CAMK2D: variants seen among roughly 807,000 people sequenced by gnomAD.
The protein encoded by CAMK2D is calcium/calmodulin-dependent protein kinase type II subunit delta.
In CAMK2D, 37 loss-of-function variants were observed where a neutral mutation model predicts 84.0. That is an observed-to-expected ratio of 0.44 (90% CI 0.34 to 0.58). The LOEUF is 0.58. Ranked by LOEUF, CAMK2D falls within the 20% of genes least tolerant of loss-of-function variation. CAMK2D has a pLI of 0.02. For synonymous variants in CAMK2D, 202 were observed against 212.5 expected (o/e 0.95, Z 0.43); for missense variants, 448 against 652.5 (o/e 0.69, Z 3.41).
At chr4:113,591,523 C>T (rs2098883021) in intron 4 of CAMK2D, among the ~76,000 whole-genome samples, 1 of 152,214 alleles carries the variant, frequency 6.6e-6, no homozygotes, top group Non-Finnish European at 1.5e-5. Context: ...TGTTCTCCAA[C>T]TTGTAGCTAG....
rs113639847 is a variant in CAMK2D at position 113,727,583 on chromosome 4, G to A, written c.160+31737C>T. 5.1e-3 allele frequency among the ~76,000 whole-genome samples: 771 copies of A among 152,178 alleles called. 3 individuals carry two copies. Among genetic ancestry groups the A allele is most frequent in the African/African-American group, 0.018 (735 of 41,540 alleles). ...GTAAATCTTCTAGAAGAAAACACAA[G>A]AGGAAATTCTTTGTAACTATGAAGC... On this transcript the variant is annotated intron_variant, in intron 2 of 20. Coordinates refer to ENST00000511664, the MANE Select transcript of CAMK2D (RefSeq NM_001321571.2).
At chr4:113,646,801 T>A (rs1282046703) in intron 3 of CAMK2D, among the ~76,000 whole-genome samples, 1 of 152,200 alleles carries the variant, frequency 6.6e-6, no homozygotes, top group Non-Finnish European at 1.5e-5. Context: ...AGCCACTGAT[T>A]AGTTTCCGAG....
At chr4:113,576,772 C>T (rs2098784990) in intron 4 of CAMK2D, among the ~76,000 whole-genome samples, 1 of 151,968 alleles carries the variant, frequency 6.6e-6, no homozygotes, top group Non-Finnish European at 1.5e-5. Context: ...AATTTGTTAA[C>T]TACATGTTTT....
At chr4:113,690,439 G>A (rs570891287) in intron 2 of CAMK2D, among the ~76,000 whole-genome samples, 3 of 152,174 alleles carry the variant, frequency 2.0e-5, no homozygotes, top group South Asian at 4.2e-4. Flanking sequence ...CCCAGTTGTG[G>A]GCACAAAGGT....
At position 113,531,204 on chromosome 4, in the gene CAMK2D, A is replaced by G. The variant is rs1362789903; in HGVS notation, c.601+12T>C. 2.7e-5 allele frequency: 39 copies of G among 1,459,584 alleles called. No homozygotes were observed. The highest frequency in any genetic ancestry group is 3.8e-5 in the Non-Finnish European group (39 of 1,039,200). The allele number at this position is 1,459,584 out of a possible 1,614,324, so 90.4% of individuals were successfully genotyped here. ...CTTATCACAAAATTTGCTTCAAAAT[A>G]TAATTGCTTACCACATGCCCACATA... On this transcript the variant is annotated intron_variant, in intron 8 of 20. Coordinates refer to ENST00000511664, the MANE Select transcript of CAMK2D (RefSeq NM_001321571.2).
intron 5 of CAMK2D, among the ~76,000 whole-genome samples, chr4:113,549,956 C>CT (rs2098612035): frequency 6.6e-6 from 1 of 152,050 alleles, no homozygotes; most frequent in Admixed American, 6.6e-5. Flanking sequence ...CCATAGGAAT[C>CT]TTTTTTCTTT....
intron 3 of CAMK2D, among the ~76,000 whole-genome samples, chr4:113,627,483 G>A (rs1177922152): frequency 6.6e-6 from 1 of 152,124 alleles, no homozygotes; most frequent in Non-Finnish European, 1.5e-5. Context: ...CTAGTTTTAT[G>A]TGTGTTTCTG....
intron 2 of CAMK2D, chr4:113,677,635 T>A (rs773293641): frequency 8.2e-5 from 43 of 526,776 alleles, no homozygotes; most frequent in Non-Finnish European, 1.0e-4. Flanking sequence ...ATGTCAGTAG[T>A]GGCCCTTGGA....
intron 16 of CAMK2D, among the ~76,000 whole-genome samples, chr4:113,470,721 G>A (rs78272170): frequency 0.028 from 4,288 of 151,932 alleles, 208 homozygotes; most frequent in African/African-American, 0.096. Context: ...TACATAGCTG[G>A]CACCTGATTT....
At chr4:113,619,228 C>CGT (rs1554009332) in intron 3 of CAMK2D, among the ~76,000 whole-genome samples, 2 of 83,890 alleles carry the variant, frequency 2.4e-5, no homozygotes, top group Non-Finnish European at 4.1e-5. Context: ...AATATACATA[C>CGT]ATATATAGAA....
intron 6 of CAMK2D, among the ~76,000 whole-genome samples, chr4:113,539,144 A>G (rs915531348): frequency 6.6e-6 from 1 of 152,178 alleles, no homozygotes; most frequent in Non-Finnish European, 1.5e-5. Context: ...TTGCAATGAA[A>G]ATTTATGGTC....
chr4:113,588,472 G>A (rs1177665916), intron 4 of CAMK2D, among the ~76,000 whole-genome samples: 1 of 152,084 alleles, frequency 6.6e-6, no homozygotes, highest in Non-Finnish European at 1.5e-5. Context: ...GTATCATGAT[G>A]TCTCATTTTG....
intron 3 of CAMK2D, among the ~76,000 whole-genome samples, chr4:113,657,121 C>G (rs973376021): frequency 6.6e-6 from 1 of 152,110 alleles, no homozygotes; most frequent in African/African-American, 2.4e-5. Context: ...CTATAAATCC[C>G]CAGCTGTCAT....
At chr4:113,563,141 C>T (rs1277134941) in intron 4 of CAMK2D, among the ~76,000 whole-genome samples, 2 of 152,036 alleles carry the variant, frequency 1.3e-5, no homozygotes, top group Non-Finnish European at 2.9e-5. Context: ...GTAATCTCAG[C>T]TGCTCAGGAG....
Position 113,454,101 on chromosome 4 carries a change from A to AC in CAMK2D, c.*443_*444insG, listed in dbSNP as rs1444400293. On this transcript the variant is annotated 3_prime_UTR_variant, in exon 21 of 21. Transcript: ENST00000511664. ...TTTTTTACCTTAAAAAAAAAAAAAA[A>AC]AACCAAACAAACCAAAACAGATTAA... 3 of 153,012 alleles carry AC rather than the reference A, an allele frequency of 2.0e-5. No homozygotes were observed. Among genetic ancestry groups the AC allele is most frequent in the South Asian group, 2.1e-4 (1 of 4,820 alleles). 9.5% of individuals were successfully genotyped at this position (153,012 alleles called of 1,614,324 possible).
chr4:113,701,885 G>A (rs1332586600), intron 2 of CAMK2D, among the ~76,000 whole-genome samples: 1 of 152,110 alleles, frequency 6.6e-6, no homozygotes, highest in Non-Finnish European at 1.5e-5. Context: ...AATTTTTGTA[G>A]AGATGGGGTT....
intron 4 of CAMK2D, among the ~76,000 whole-genome samples, chr4:113,554,200 T>C (rs1332340337): frequency 6.6e-6 from 1 of 152,162 alleles, no homozygotes; most frequent in Non-Finnish European, 1.5e-5. Flanking sequence ...CTAGCATTAA[T>C]ACATATTTGC....
chr4:113,628,399 T>C (rs1233990412), intron 3 of CAMK2D, among the ~76,000 whole-genome samples: 1 of 152,156 alleles, frequency 6.6e-6, no homozygotes, highest in Non-Finnish European at 1.5e-5. Flanking sequence ...TCTTTAATAT[T>C]AATATAAGCT....
intron 4 of CAMK2D, among the ~76,000 whole-genome samples, chr4:113,582,177 T>C (rs1351517583): frequency 6.6e-6 from 1 of 152,186 alleles, no homozygotes; most frequent in African/African-American, 2.4e-5. Context: ...ATGTTTACAT[T>C]TGATCCAATA....
Sources: allele counts gnomAD v4.1 joint callset (sites outside exome capture counted in the v4.1 genomes callset), GRCh38; gene constraint gnomAD v4.1.1; transcripts MANE v1.5; gene names NCBI Gene and HGNC (gene_info 2026-07-23, HGNC 2026-07-21).